ATRN: variants seen among roughly 807,000 people sequenced by gnomAD.
The protein encoded by ATRN is attractin.
Under a neutral mutation model 178.7 loss-of-function variants are expected in ATRN, and 54 were observed. The observed-to-expected ratio is 0.30, with a 90% confidence interval of 0.24 to 0.38. ATRN has a LOEUF of 0.38. Among genes scored for constraint, ATRN ranks in the 10% least tolerant of loss-of-function variants. The probability of loss-of-function intolerance (pLI) is 1.00; values close to 1 mark genes in which losing one functional copy is unlikely to be tolerated. For synonymous variants in ATRN, 636 were observed against 663.0 expected, an observed-to-expected ratio of 0.96 and a Z score of 0.63; for missense variants, 1,443 against 1,815.1, an observed-to-expected ratio of 0.79 and a Z score of 3.73.
chr20:3,515,979 A>G (rs1196212038), intron 1 of ATRN, among the ~76,000 whole-genome samples: 6 of 152,218 alleles, frequency 3.9e-5, no homozygotes, highest in East Asian at 1.9e-4. Context: ...TCTTTCTACA[A>G]CTATTCACTG....
rs73893053 is a variant in ATRN, at chr20:3,626,565, C to T, written c.3863+1993C>T. On this transcript the variant is annotated intron_variant, in intron 25 of 28. Transcript: ENST00000262919. Reference sequence around the variant, plus strand: ...CTTCTTATTTCTTCTCTGTCAGTTTCGGCAAGTTGTATATAGTTTTCTTCT... The same window carrying T: ...CTTCTTATTTCTTCTCTGTCAGTTTTGGCAAGTTGTATATAGTTTTCTTCT... Among the ~76,000 whole-genome samples the T allele has an allele frequency of 5.5e-3, 832 of 152,064 alleles. 7 individuals carry two copies. The highest frequency in any genetic ancestry group is 0.018 in the African/African-American group (763 of 41,484).
chr20:3,506,287 G>A (rs574744931), intron 1 of ATRN, among the ~76,000 whole-genome samples: 1 of 152,216 alleles, frequency 6.6e-6, no homozygotes, highest in South Asian at 2.1e-4. Flanking sequence ...TAAAATTTCA[G>A]TTATTTAAGA....
chr20:3,517,898 T>TA (rs1221107699), intron 1 of ATRN, among the ~76,000 whole-genome samples: 4 of 152,166 alleles, frequency 2.6e-5, no homozygotes, highest in African/African-American at 7.2e-5. Flanking sequence ...CAGGTTAAGA[T>TA]ACAGCACATA....
At chr20:3,630,126 C>T (rs2086978559) in intron 25 of ATRN, among the ~76,000 whole-genome samples, 1 of 152,120 alleles carries the variant, frequency 6.6e-6, no homozygotes, top group Admixed American at 6.5e-5. Context: ...CTCTTTAGGC[C>T]CCTCTCCCCA....
chr20:3,553,810 C>T (rs2085822934), intron 6 of ATRN, among the ~76,000 whole-genome samples: 1 of 152,186 alleles, frequency 6.6e-6, no homozygotes, highest in Non-Finnish European at 1.5e-5. Context: ...TGTGGTTTTC[C>T]CAGAGAGATC....
intron 1 of ATRN, among the ~76,000 whole-genome samples, chr20:3,474,369 T>G (rs1490628308): frequency 6.6e-6 from 1 of 152,116 alleles, no homozygotes; most frequent in African/African-American, 2.4e-5. Flanking sequence ...GATTTTGCAT[T>G]TTTAAAAATG....
At chr20:3,595,165 A>G (rs1229305130) in intron 20 of ATRN, among the ~76,000 whole-genome samples, 1 of 152,124 alleles carries the variant, frequency 6.6e-6, no homozygotes, top group Non-Finnish European at 1.5e-5. Context: ...GAGGCAAATC[A>G]CTGTTCCCCC....
chr20:3,639,019 C>T, intron 27 of ATRN, 84 bp downstream of exon 27: 2 of 1,050,492 alleles, frequency 1.9e-6, no homozygotes, highest in South Asian at 1.6e-5. Context: ...AGAGCAAAAG[C>T]CCTATTCCAT....
At chr20:3,576,771 G>C (rs2086218050) in intron 13 of ATRN, 88 bp from the exon 14 acceptor site, 1 of 1,396,578 alleles carries the variant, frequency 7.2e-7, no homozygotes, top group Non-Finnish European at 9.7e-7. Flanking sequence ...TCCTCAATTA[G>C]ATTTTGTTGT....
chr20:3,477,803 A>C (rs542552664), intron 1 of ATRN, among the ~76,000 whole-genome samples: 1 of 152,252 alleles, frequency 6.6e-6, no homozygotes, highest in Non-Finnish European at 1.5e-5. Context: ...ATGACTTTTA[A>C]AAAAGTCGTC....
At chr20:3,542,100 C>T (rs1414855569) in intron 3 of ATRN, among the ~76,000 whole-genome samples, 1 of 152,200 alleles carries the variant, frequency 6.6e-6, no homozygotes, top group African/African-American at 2.4e-5. Flanking sequence ...GGGTGGATGG[C>T]TGTGCTGAGC....
intron 24 of ATRN, among the ~76,000 whole-genome samples, chr20:3,608,967 C>CAAAAA (rs758329997): frequency 5.1e-5 from 3 of 58,286 alleles, no homozygotes; most frequent in East Asian, 1.1e-3. Context: ...GACTCTGTCT[C>CAAAAA]AAAAAAAAAA....
chr20:3,631,398 T>C (rs2146320904), intron 25 of ATRN, among the ~76,000 whole-genome samples: 1 of 152,180 alleles, frequency 6.6e-6, no homozygotes, highest in Non-Finnish European at 1.5e-5. Context: ...AGAAAATCAA[T>C]GTAAAGTGAG....
intron 24 of ATRN, among the ~76,000 whole-genome samples, chr20:3,613,825 G>C (rs1316019573): frequency 1.5e-5 from 2 of 134,582 alleles, no homozygotes; most frequent in South Asian, 4.4e-4. Flanking sequence ...TTTTTTAAAT[G>C]AGATTTTAAA....
intron 24 of ATRN, among the ~76,000 whole-genome samples, chr20:3,614,706 T>C (rs1034542100): frequency 2.6e-5 from 4 of 152,198 alleles, no homozygotes; most frequent in Admixed American, 6.5e-5. Context: ...TTTCAGTGTA[T>C]TCACAGAAGC....
At chr20:3,585,838 G>T (rs1397659746) in intron 18 of ATRN, among the ~76,000 whole-genome samples, 1 of 152,046 alleles carries the variant, frequency 6.6e-6, no homozygotes, top group Non-Finnish European at 1.5e-5. Context: ...CACATGAAAA[G>T]ATACTCAATA....
intron 26 of ATRN, among the ~76,000 whole-genome samples, chr20:3,637,240 A>G (rs543820039): frequency 6.6e-6 from 1 of 152,336 alleles, no homozygotes; most frequent in African/African-American, 2.4e-5. Flanking sequence ...ATTCCCTCTC[A>G]GAATTGTAGA....
At chr20:3,502,275 A>G (rs2084974909) in intron 1 of ATRN, among the ~76,000 whole-genome samples, 1 of 152,196 alleles carries the variant, frequency 6.6e-6, no homozygotes, top group Non-Finnish European at 1.5e-5. Flanking sequence ...TTTATTACAA[A>G]TAAGATGGTA....
At chr20:3,564,920 CCAG>C (rs2086010470) in intron 10 of ATRN, among the ~76,000 whole-genome samples, 1 of 152,070 alleles carries the variant, frequency 6.6e-6, no homozygotes, top group Non-Finnish European at 1.5e-5. Flanking sequence ...AAAAAATTAG[CCAG>C]GCATGGTGGC....
Sources: gnomAD v4.1 joint callset for allele counts (sites outside exome capture counted in the v4.1 genomes callset) on GRCh38, gnomAD v4.1.1 for gene constraint, MANE v1.5 for transcripts, NCBI Gene and HGNC (gene_info 2026-07-23, HGNC 2026-07-21) for gene names.